Variants in SCOC observed in about 807,000 individuals in gnomAD.
The protein encoded by SCOC is short coiled coil protein.
In SCOC, 7 loss-of-function variants were observed where a neutral mutation model predicts 9.9. The observed-to-expected ratio is 0.71, with a 90% confidence interval of 0.40 to 1.33. SCOC has a LOEUF of 1.33. Among genes scored for constraint, SCOC ranks in the 40% most tolerant of loss-of-function variants. The probability of loss-of-function intolerance (pLI) is 0.01; values close to 1 mark genes in which losing one functional copy is unlikely to be tolerated. For missense variants in SCOC, 66 were observed against 89.7 expected, an observed-to-expected ratio of 0.74 and a Z score of 1.07; for synonymous variants, 19 against 28.2, an observed-to-expected ratio of 0.67 and a Z score of 1.03.
chr4:140,344,858 C>T (rs1726659363), intron 2 of SCOC, among the ~76,000 whole-genome samples: 1 of 152,164 alleles, frequency 6.6e-6, no homozygotes, highest in South Asian at 2.1e-4. Context: ...TGGGAGGATG[C>T]AGTTCGTAGA....
intron 1 of SCOC, among the ~76,000 whole-genome samples, chr4:140,310,401 G>T (rs1346427759): frequency 6.6e-6 from 1 of 152,178 alleles, no homozygotes; most frequent in East Asian, 1.9e-4. Context: ...GCTGCCTGTT[G>T]CCAGTGGGAT....
chr4:140,340,808 T>TTTTTTTTTTTTTTTTTTTTTTTTTC (rs140552446), upstream of SCOC, among the ~76,000 whole-genome samples: 1 of 111,814 alleles, frequency 8.9e-6, no homozygotes, highest in Non-Finnish European at 1.8e-5. Flanking sequence ...TTTTTTTTTT[T>TTTTTTTTTTTTTTTTTTTTTTTTTC]AGAGGGATAG....
chr4:140,294,637 T>C (rs1448449955), intron 1 of SCOC, among the ~76,000 whole-genome samples: 1 of 152,188 alleles, frequency 6.6e-6, no homozygotes, highest in African/African-American at 2.4e-5. Context: ...GTGGAGACCA[T>C]TAAGGATTAT....
chr4:140,321,423 A>G (rs1446732607), intron 1 of SCOC, among the ~76,000 whole-genome samples: 1 of 152,218 alleles, frequency 6.6e-6, no homozygotes, highest in African/African-American at 2.4e-5. Context: ...CAAATATGTT[A>G]AAGACTAATG....
chr4:140,271,927 C>T (rs991757611), intron 1 of SCOC, among the ~76,000 whole-genome samples: 8 of 152,260 alleles, frequency 5.3e-5, no homozygotes, highest in Admixed American at 3.9e-4. Context: ...GTGGAATGAA[C>T]GGGCGCCTGT....
At chr4:140,333,213 C>G (rs1196001784) in intron 1 of SCOC, among the ~76,000 whole-genome samples, 2 of 152,098 alleles carry the variant, frequency 1.3e-5, no homozygotes, top group African/African-American at 4.8e-5. Flanking sequence ...ATTGCATCAG[C>G]CAGGCCTTCC....
chr4:140,300,810 T>C (rs112003258), intron 1 of SCOC, among the ~76,000 whole-genome samples: 3 of 152,214 alleles, frequency 2.0e-5, no homozygotes, highest in African/African-American at 7.2e-5. Context: ...AACCTGGTGG[T>C]TTCAGATGAA....
At chr4:140,285,833 G>T (rs572837895) in intron 1 of SCOC, among the ~76,000 whole-genome samples, 3 of 152,222 alleles carry the variant, frequency 2.0e-5, no homozygotes, top group South Asian at 4.2e-4. Flanking sequence ...TCTCTATGAA[G>T]GCATATCCTC....
At chr4:140,323,901 A>T (rs2126485618) in intron 1 of SCOC, among the ~76,000 whole-genome samples, 1 of 152,282 alleles carries the variant, frequency 6.6e-6, no homozygotes, top group East Asian at 1.9e-4. Flanking sequence ...GACTCAAACC[A>T]GCTTGCACAT....
Position 140,381,790 on chromosome 4 carries a change from A to G in SCOC, c.*686A>G, listed in dbSNP as rs1367774158. On this transcript the variant is annotated 3_prime_UTR_variant, in exon 4 of 4. Coordinates refer to ENST00000608372, the MANE Select transcript of SCOC (RefSeq NM_001153484.2). ...AATTAACTTGGGAATATTTGTTGTT[A>G]AAAACTTCTTTTTGCCCAAAATAAC... 1 of 152,218 alleles carries G rather than the reference A, an allele frequency of 6.6e-6. No individual in the cohort carries two copies. Among genetic ancestry groups the G allele is most frequent in the Non-Finnish European group, 1.5e-5 (1 of 68,022 alleles). The allele number at this position is 152,218 out of a possible 1,614,324, so 9.4% of individuals were successfully genotyped here.
chr4:140,374,391 C>A (rs1728236414), intron 1 of SCOC: 1 of 314,902 alleles, frequency 3.2e-6, no homozygotes, highest in African/African-American at 2.3e-5. Context: ...TTCCAGGTTG[C>A]CAACACGTTT....
intron 1 of SCOC, among the ~76,000 whole-genome samples, chr4:140,266,630 C>T (rs527590233): frequency 6.6e-6 from 1 of 152,204 alleles, no homozygotes; most frequent in Admixed American, 6.5e-5. Context: ...GTTCAGTTTC[C>T]TTCTATTAAT....
chr4:140,357,256 G>T (rs1727272159), intron 2 of SCOC, among the ~76,000 whole-genome samples: 1 of 152,188 alleles, frequency 6.6e-6, no homozygotes, highest in Non-Finnish European at 1.5e-5. Flanking sequence ...TTACGGGTGT[G>T]AGCCACTGCA....
rs545789055 is a variant in SCOC, at chr4:140,290,450, C to T, written c.-19+33040C>T. ...TGCAACTTCCCCCATGCCTTTGGTT[C>T]CACTCATTTCCATCTTACAATAGAC... On this transcript the variant is annotated intron_variant, in intron 1 of 4. Transcript: ENST00000394205. Among the ~76,000 whole-genome samples, 13 of 152,282 alleles carry T rather than the reference C, an allele frequency of 8.5e-5. No homozygotes were observed. In the South Asian group the frequency reaches 1.7e-3, roughly 19 times the overall value.
At chr4:140,316,733 G>C (rs1295302169) in intron 1 of SCOC, among the ~76,000 whole-genome samples, 1 of 152,094 alleles carries the variant, frequency 6.6e-6, no homozygotes, top group Non-Finnish European at 1.5e-5. Context: ...TCCCTCAGAT[G>C]CATTGGAGTG....
chr4:140,374,970 T>C (rs1382752469), intron 1 of SCOC, among the ~76,000 whole-genome samples: 3 of 152,226 alleles, frequency 2.0e-5, no homozygotes, highest in Non-Finnish European at 4.4e-5. Context: ...TTAGCAGTCT[T>C]AGTAGTTCTC....
At chr4:140,359,141 G>A (rs1020333455) in intron 2 of SCOC, among the ~76,000 whole-genome samples, 1 of 152,164 alleles carries the variant, frequency 6.6e-6, no homozygotes, top group Non-Finnish European at 1.5e-5. Context: ...TTGTGGCTGA[G>A]TGATTCAGGA....
chr4:140,271,215 C>T (rs374922075), intron 1 of SCOC, among the ~76,000 whole-genome samples: 6 of 152,258 alleles, frequency 3.9e-5, no homozygotes, highest in African/African-American at 1.4e-4. Flanking sequence ...GGATGATGGG[C>T]ATTGTGTTTG....
At chr4:140,271,733 G>A (rs189282923) in intron 1 of SCOC, among the ~76,000 whole-genome samples, 9 of 152,288 alleles carry the variant, frequency 5.9e-5, no homozygotes, top group East Asian at 1.9e-4. Flanking sequence ...CCAGGCTTTC[G>A]TTTAGATGCT....
Sources: allele counts gnomAD v4.1 joint callset (sites outside exome capture counted in the v4.1 genomes callset), GRCh38; gene constraint gnomAD v4.1.1; transcripts MANE v1.5; gene names NCBI Gene and HGNC (gene_info 2026-07-23, HGNC 2026-07-21).